Variants in TXNDC12 observed in about 807,000 individuals in gnomAD.
TXNDC12 encodes thioredoxin domain containing 12.
A neutral mutation model predicts 24.2 loss-of-function variants in TXNDC12; 22 were observed. The observed-to-expected ratio is 0.91, with a 90% CI of 0.65 to 1.30. The LOEUF (loss-of-function observed/expected upper bound fraction) is 1.30. Ranked by LOEUF, TXNDC12 falls within the 50% of genes most tolerant of loss-of-function variation. The pLI is 0.00. For synonymous variants in TXNDC12, 58 were observed against 73.4 expected (o/e 0.79, Z 1.07); for missense variants, 184 against 205.8 (o/e 0.89, Z 0.65).
At chr1:52,033,886 TC>T in intron 2 of TXNDC12, 1 of 1,435,320 alleles carries the variant, frequency 7.0e-7, no homozygotes, top group Non-Finnish European at 9.1e-7. Context: ...CCCTCTTGTT[TC>T]TATGGAAACA....
intron 1 of TXNDC12, among the ~76,000 whole-genome samples, chr1:52,050,021 G>C (rs1572012349): frequency 1.3e-5 from 2 of 152,286 alleles, no homozygotes; most frequent in Middle Eastern, 6.8e-3. Context: ...AACTGAAACA[G>C]CTTGCCCAAG....
chr1:52,037,259 C>T (rs200239417), intron 2 of TXNDC12, among the ~76,000 whole-genome samples: 1 of 139,040 alleles, frequency 7.2e-6, no homozygotes. Context: ...GTTGCCTAGG[C>T]TGGAATGCAA....
In TXNDC12 at chr1:52,028,754, T is replaced by A. The variant is rs1054118791; in HGVS notation, c.159-124A>T. Reference sequence around the variant, plus strand: ...AATTGGGAAAATCTTTAGACAAATGTTCAATAATAATAGATAATTGCTGTA... The same window carrying A: ...AATTGGGAAAATCTTTAGACAAATGATCAATAATAATAGATAATTGCTGTA... On this transcript the variant is annotated intron_variant, in intron 2 of 6. Coordinates refer to ENST00000371626, the MANE Select transcript of TXNDC12 (RefSeq NM_015913.4). 19 of 761,748 alleles carry A rather than the reference T, an allele frequency of 2.5e-5. No homozygotes were observed. In the Admixed American group the frequency reaches 4.1e-4, roughly 16 times the overall value. 47.2% of individuals were successfully genotyped at this position (761,748 alleles called of 1,614,324 possible).
intron 4 of TXNDC12, 28 bp from the exon 5 acceptor site, chr1:52,024,607 T>C (rs771918649): frequency 1.3e-6 from 2 of 1,544,080 alleles, no homozygotes. Context: ...AAACCTTAAG[T>C]CAGATAACGT....
intron 1 of TXNDC12, among the ~76,000 whole-genome samples, chr1:52,046,255 T>A (rs1686087369): frequency 6.7e-6 from 1 of 150,294 alleles, no homozygotes; most frequent in Non-Finnish European, 1.5e-5. Flanking sequence ...AGCAAACTAA[T>A]ACAGGGGAGC....
At chr1:52,028,919 C>T (rs1017287563) in intron 2 of TXNDC12, among the ~76,000 whole-genome samples, 1 of 152,054 alleles carries the variant, frequency 6.6e-6, no homozygotes, top group Non-Finnish European at 1.5e-5. Flanking sequence ...CTTGAGGCCA[C>T]GGATTCAAGA....
upstream of TXNDC12, chr1:52,055,990 A>G (rs1011845134): frequency 3.3e-5 from 5 of 152,218 alleles, no homozygotes; most frequent in Non-Finnish European, 5.9e-5. Context: ...GTTGAGTCCT[A>G]AAGTCCGTAC....
chr1:52,021,560 C>CAA (rs901244160), intron 6 of TXNDC12, among the ~76,000 whole-genome samples: 155 of 54,710 alleles, frequency 2.8e-3, no homozygotes, highest in African/African-American at 3.5e-3. Flanking sequence ...GTTCTCAGGC[C>CAA]AAAAAAAAAA....
Position 52,033,757 on chromosome 1 carries a change from G to A in TXNDC12, c.159-5127C>T, listed in dbSNP as rs759277755. The A allele has an allele frequency of 8.8e-6, 14 of 1,595,800 alleles. No homozygotes were observed. The highest frequency in any genetic ancestry group is 6.7e-5 in the East Asian group (3 of 44,604). Reference sequence around the variant, plus strand: ...CGGCAGCCCGCAAAACACCACGAGCGGCATCCTCTCAGGGAGCGACCATTG... The same window carrying A: ...CGGCAGCCCGCAAAACACCACGAGCAGCATCCTCTCAGGGAGCGACCATTG... On this transcript the variant is annotated intron_variant, in intron 2 of 6. Coordinates refer to ENST00000371626, the MANE Select transcript of TXNDC12 (RefSeq NM_015913.4).
At chr1:52,033,205 G>A (rs747843833) in intron 2 of TXNDC12, 7 of 1,614,102 alleles carry the variant, frequency 4.3e-6, no homozygotes, top group African/African-American at 1.3e-5. Flanking sequence ...AGTCACAAGA[G>A]CTGGAGACTC....
chr1:52,041,475 C>G, intron 2 of TXNDC12, 62 bp downstream of exon 2: 2 of 1,217,354 alleles, frequency 1.6e-6, no homozygotes, highest in Middle Eastern at 3.8e-4. Context: ...CTGAAATTAA[C>G]GTTAAGTTGA....
chr1:52,034,448 T>G lies in TXNDC12; in HGVS notation c.159-5818A>C, dbSNP rs76185610. Among the ~76,000 whole-genome samples the G allele has an allele frequency of 4.0e-3, 613 of 152,324 alleles. 5 individuals are homozygous for G. The highest frequency in any genetic ancestry group is 0.014 in the African/African-American group (595 of 41,582). On this transcript the variant is annotated intron_variant, in intron 2 of 6. Transcript: ENST00000371626. ...TAGGAATTTTTCTCCTTAGTAGGGTTGCCAGATAAAATACAGGATGCCCAG... is the reference window on the plus strand; with the variant it reads ...TAGGAATTTTTCTCCTTAGTAGGGTGGCCAGATAAAATACAGGATGCCCAG...
intron 1 of TXNDC12, among the ~76,000 whole-genome samples, chr1:52,043,626 T>C (rs1572009138): frequency 6.6e-6 from 1 of 152,212 alleles, no homozygotes; most frequent in African/African-American, 2.4e-5. Flanking sequence ...ATAAGAAATA[T>C]ATGCAAAAAA....
chr1:52,027,750 T>C (rs1030773741), intron 3 of TXNDC12, among the ~76,000 whole-genome samples: 7 of 149,456 alleles, frequency 4.7e-5, no homozygotes, highest in Non-Finnish European at 7.4e-5. Context: ...TATATATACA[T>C]ATATACATAT....
At chr1:52,045,994 T>C (rs1686082847) in intron 1 of TXNDC12, among the ~76,000 whole-genome samples, 1 of 151,758 alleles carries the variant, frequency 6.6e-6, no homozygotes, top group South Asian at 2.1e-4. Context: ...GAGAGGATCA[T>C]TTGAGCCCAG....
intron 2 of TXNDC12, among the ~76,000 whole-genome samples, chr1:52,029,912 A>G (rs1377713975): frequency 4.6e-5 from 7 of 152,236 alleles, no homozygotes; most frequent in Non-Finnish European, 8.8e-5. Flanking sequence ...ATAGGTAACC[A>G]TAATAGCCAA....
chr1:52,038,882 T>C (rs1685932770), intron 2 of TXNDC12, among the ~76,000 whole-genome samples: 1 of 141,046 alleles, frequency 7.1e-6, no homozygotes, highest in African/African-American at 2.6e-5. Flanking sequence ...TTCATGAATT[T>C]TCTTTTTTTT....
At chr1:52,049,895 T>G (rs2124393704) in intron 1 of TXNDC12, among the ~76,000 whole-genome samples, 1 of 152,360 alleles carries the variant, frequency 6.6e-6, no homozygotes, top group Non-Finnish European at 1.5e-5. Context: ...GACTAACACA[T>G]GAAATTTATT....
chr1:52,054,876 TA>T, intron 1 of TXNDC12, 123 bp downstream of exon 1: 1 of 682,258 alleles, frequency 1.5e-6, no homozygotes, highest in Non-Finnish European at 2.5e-6. Flanking sequence ...TTGGGGAAGA[TA>T]AAAAGAAATC....
Sources: gnomAD v4.1 joint callset for allele counts (sites outside exome capture counted in the v4.1 genomes callset) on GRCh38, gnomAD v4.1.1 for gene constraint, MANE v1.5 for transcripts, NCBI Gene and HGNC (gene_info 2026-07-23, HGNC 2026-07-21) for gene names.